The following KCNIP4 variants were observed in gnomAD, a reference collection of about 807,000 sequenced individuals.
KCNIP4 encodes Kv channel-interacting protein 4.
KCNIP4 carries 12 observed loss-of-function variants against 34.0 expected under a neutral mutation model. The ratio of observed to expected loss-of-function variants is 0.35; its 90% CI spans 0.23 to 0.57. KCNIP4 has a LOEUF of 0.57. Among genes scored for constraint, KCNIP4 ranks in the 20% least tolerant of loss-of-function variants. KCNIP4 has a pLI of 0.83. For synonymous variants in KCNIP4, 124 were observed against 102.2 expected (o/e 1.21, Z -1.29); for missense variants, 238 against 311.7 (o/e 0.76, Z 1.78).
intron 1 of KCNIP4, among the ~76,000 whole-genome samples, chr4:21,887,483 A>G (rs1726847919): frequency 6.6e-6 from 1 of 152,044 alleles, no homozygotes; most frequent in Non-Finnish European, 1.5e-5. Flanking sequence ...TTCGATTTCA[A>G]TGTATGAATT....
chr4:21,212,483 T>C (rs1757286737), intron 1 of KCNIP4, among the ~76,000 whole-genome samples: 1 of 152,202 alleles, frequency 6.6e-6, no homozygotes, highest in Admixed American at 6.5e-5. Flanking sequence ...GAGGGCTTCG[T>C]CAGTCCCAAA....
At position 20,789,280 on chromosome 4, in the gene KCNIP4, C is replaced by T. The variant is rs568483895; in HGVS notation, c.289-30390G>A. 2.0e-4 allele frequency among the ~76,000 whole-genome samples: 30 copies of T among 152,122 alleles called. No individual in the cohort carries two copies. In the South Asian group the frequency reaches 5.4e-3, roughly 27 times the overall value. On this transcript the variant is annotated intron_variant, in intron 3 of 8. Transcript: ENST00000382152. Reference sequence around the variant, plus strand: ...TTAAAAATTTGGGGCCATTTTTATCCTCTAAGAAATCTCGAAGAGATCCAG... The same window carrying T: ...TTAAAAATTTGGGGCCATTTTTATCTTCTAAGAAATCTCGAAGAGATCCAG...
At chr4:20,813,218 T>C (rs1173385286) in intron 3 of KCNIP4, among the ~76,000 whole-genome samples, 2 of 152,042 alleles carry the variant, frequency 1.3e-5, no homozygotes, top group Non-Finnish European at 2.9e-5. Flanking sequence ...AAAGGCAGCA[T>C]AAACAGACCT....
intron 1 of KCNIP4, among the ~76,000 whole-genome samples, chr4:21,938,288 C>T (rs1338853996): frequency 2.0e-5 from 3 of 152,062 alleles, no homozygotes; most frequent in Non-Finnish European, 4.4e-5. Context: ...TTTTGAAGTT[C>T]TAATTTTCAT....
intron 1 of KCNIP4, among the ~76,000 whole-genome samples, chr4:21,308,413 G>A (rs1712731746): frequency 6.6e-6 from 1 of 152,154 alleles, no homozygotes; most frequent in Admixed American, 6.5e-5. Flanking sequence ...CCTCTTTGAG[G>A]AAGAGAGGGG....
chr4:21,615,211 T>C (rs1333589015), intron 1 of KCNIP4, among the ~76,000 whole-genome samples: 2 of 151,690 alleles, frequency 1.3e-5, no homozygotes, highest in East Asian at 3.9e-4. Context: ...AAAATAATGA[T>C]TAGAGTAAAA....
chr4:20,732,314 C>G (rs1158120416), intron 7 of KCNIP4, among the ~76,000 whole-genome samples: 1 of 152,086 alleles, frequency 6.6e-6, no homozygotes, highest in Non-Finnish European at 1.5e-5. Context: ...AGGTAAAATC[C>G]CACCTTCTAG....
At chr4:21,125,013 A>C (rs1750490206) in intron 1 of KCNIP4, among the ~76,000 whole-genome samples, 1 of 151,304 alleles carries the variant, frequency 6.6e-6, no homozygotes, top group African/African-American at 2.4e-5. Flanking sequence ...ACTTGGAGAC[A>C]GTGGCTTCAT....
chr4:21,225,368 G>A (rs1758303173), intron 1 of KCNIP4, among the ~76,000 whole-genome samples: 2 of 152,228 alleles, frequency 1.3e-5, no homozygotes, highest in African/African-American at 2.4e-5. Flanking sequence ...ATTGTCTTGT[G>A]TTTGAATTTG....
At chr4:20,953,510 G>A (rs1348496397) in intron 1 of KCNIP4, among the ~76,000 whole-genome samples, 5 of 151,994 alleles carry the variant, frequency 3.3e-5, no homozygotes, top group South Asian at 2.1e-4. Flanking sequence ...GGTGAAATCC[G>A]ATCTGTACTA....
chr4:21,869,726 GGAGATAGA>G (rs1399050487), intron 1 of KCNIP4, among the ~76,000 whole-genome samples: 2 of 136,334 alleles, frequency 1.5e-5, no homozygotes, highest in Admixed American at 1.6e-4. Context: ...AGAGAGATAA[GGAGATAGA>G]TAGATAGATA....
At chr4:21,229,560 A>G (rs1758649612) in intron 1 of KCNIP4, among the ~76,000 whole-genome samples, 1 of 152,128 alleles carries the variant, frequency 6.6e-6, no homozygotes, top group Non-Finnish European at 1.5e-5. Context: ...AGAACTTATC[A>G]TCTATTGGGA....
chr4:21,280,985 T>C (rs1199407271), intron 1 of KCNIP4, among the ~76,000 whole-genome samples: 1 of 152,052 alleles, frequency 6.6e-6, no homozygotes, highest in East Asian at 1.9e-4. Context: ...CCTGTATATC[T>C]CAAGTCCACA....
chr4:21,329,007 A>C (rs751718868), intron 1 of KCNIP4, among the ~76,000 whole-genome samples: 41 of 152,234 alleles, frequency 2.7e-4, no homozygotes, highest in Non-Finnish European at 4.8e-4. Context: ...AAATGAAAAA[A>C]CTGCATTTCT....
chr4:21,481,973 G>A (rs1295128931), intron 1 of KCNIP4, among the ~76,000 whole-genome samples: 1 of 152,086 alleles, frequency 6.6e-6, no homozygotes, highest in Non-Finnish European at 1.5e-5. Context: ...CTAAGGACTT[G>A]CTTTATGAAT....
intron 1 of KCNIP4, among the ~76,000 whole-genome samples, chr4:21,801,340 A>G (rs1242792867): frequency 1.3e-5 from 2 of 152,202 alleles, no homozygotes; most frequent in African/African-American, 2.4e-5. Flanking sequence ...ATCACTGGTC[A>G]TGTAAAACCA....
chr4:21,473,941 T>C (rs1461275005), intron 1 of KCNIP4, among the ~76,000 whole-genome samples: 1 of 152,098 alleles, frequency 6.6e-6, no homozygotes, highest in Non-Finnish European at 1.5e-5. Flanking sequence ...CTCAAACTCC[T>C]GACCTCAGAT....
chr4:20,967,624 C>A (rs147544751), intron 1 of KCNIP4, among the ~76,000 whole-genome samples: 2 of 152,094 alleles, frequency 1.3e-5, no homozygotes, highest in Non-Finnish European at 2.9e-5. Context: ...GAAATAACAC[C>A]GTATGTCTAC....
At chr4:21,240,302 C>T (rs1246627046) in intron 1 of KCNIP4, among the ~76,000 whole-genome samples, 4 of 146,464 alleles carry the variant, frequency 2.7e-5, no homozygotes, top group African/African-American at 1.1e-4. Flanking sequence ...TGCAGCACAC[C>T]AACATGGCAC....
Sources: gnomAD v4.1 joint callset for allele counts (sites outside exome capture counted in the v4.1 genomes callset) on GRCh38, gnomAD v4.1.1 for gene constraint, MANE v1.5 for transcripts, NCBI Gene and HGNC (gene_info 2026-07-23, HGNC 2026-07-21) for gene names.